MNAT1: variants seen among roughly 807,000 people sequenced by gnomAD.
MNAT1 encodes CDK-activating kinase assembly factor MAT1.
In MNAT1, 43 loss-of-function variants were observed where a neutral mutation model predicts 42.0. The ratio of observed to expected loss-of-function variants is 1.02; its 90% confidence interval spans 0.80 to 1.32. The LOEUF is 1.32. Among genes scored for constraint, MNAT1 ranks in the 40% most tolerant of loss-of-function variants. The probability of loss-of-function intolerance (pLI) is 0.00; values close to 1 mark genes in which losing one functional copy is unlikely to be tolerated. For missense variants in MNAT1, 306 were observed against 350.4 expected (o/e 0.87, Z 1.01); for synonymous variants, 118 against 120.0 (o/e 0.98, Z 0.11).
At chr14:60,866,000 C>T (rs2034194031) in intron 6 of MNAT1, among the ~76,000 whole-genome samples, 1 of 152,070 alleles carries the variant, frequency 6.6e-6, no homozygotes, top group Non-Finnish European at 1.5e-5. Context: ...TCCATGAACT[C>T]TGCTGAATGA....
chr14:60,853,992 T>C (rs943374799), intron 6 of MNAT1, among the ~76,000 whole-genome samples: 1 of 152,138 alleles, frequency 6.6e-6, no homozygotes, highest in African/African-American at 2.4e-5. Context: ...GAGGCTTTGT[T>C]TGTTTCTTTT....
At chr14:60,763,854 A>G (rs1029835405) in intron 1 of MNAT1, among the ~76,000 whole-genome samples, 3 of 152,224 alleles carry the variant, frequency 2.0e-5, no homozygotes, top group Non-Finnish European at 4.4e-5. Context: ...AAATGATTAA[A>G]TTACTTATTG....
intron 7 of MNAT1, among the ~76,000 whole-genome samples, chr14:60,895,803 C>G (rs933707445): frequency 6.6e-6 from 1 of 152,108 alleles, no homozygotes; most frequent in African/African-American, 2.4e-5. Flanking sequence ...GAAATCATCT[C>G]GTTTCCGTTT....
chr14:60,853,446 G>C (rs924521419), intron 6 of MNAT1, among the ~76,000 whole-genome samples: 7 of 152,052 alleles, frequency 4.6e-5, no homozygotes, highest in East Asian at 3.8e-4. Context: ...AGTTTTTGGG[G>C]TGAGATGATG....
chr14:60,768,203 G>T (rs190425078), intron 1 of MNAT1, among the ~76,000 whole-genome samples: 17 of 152,274 alleles, frequency 1.1e-4, no homozygotes, highest in African/African-American at 3.4e-4. Context: ...GCCTGGCCCA[G>T]TTTAGTTTTT....
intron 6 of MNAT1, among the ~76,000 whole-genome samples, chr14:60,852,743 C>G (rs1021385177): frequency 5.9e-5 from 9 of 152,052 alleles, no homozygotes; most frequent in Non-Finnish European, 1.2e-4. Flanking sequence ...GGAAGGGGTC[C>G]AGTTTCAGTT....
chr14:60,969,484 T>C lies in MNAT1; in HGVS notation c.*1135T>C, dbSNP rs1292875667. 1 of 152,164 alleles carries C rather than the reference T, an allele frequency of 6.6e-6. No individual in the cohort carries two copies. Among genetic ancestry groups the C allele is most frequent in the Non-Finnish European group, 1.5e-5 (1 of 68,000 alleles). The allele number at this position is 152,164 out of a possible 1,614,324, so 9.4% of individuals were successfully genotyped here. On this transcript the variant is annotated 3_prime_UTR_variant, in exon 8 of 8. Transcript: ENST00000261245. ...AATTAATTTTAGCAATACATCTTCA[T>C]CTTTATTGTACTTCTATCTTTGTTA...
intron 7 of MNAT1, among the ~76,000 whole-genome samples, chr14:60,904,329 ATTTT>A (rs1013331032): frequency 6.6e-6 from 1 of 151,452 alleles, no homozygotes; most frequent in African/African-American, 2.4e-5. Flanking sequence ...TACTAAATTA[ATTTT>A]TTTTTCTGGT....
chr14:60,865,620 A>G (rs1457118085), intron 6 of MNAT1, among the ~76,000 whole-genome samples: 2 of 152,096 alleles, frequency 1.3e-5, no homozygotes, highest in African/African-American at 4.8e-5. Flanking sequence ...TGGTAATAAG[A>G]CAAGCATCAG....
chr14:60,826,939 A>G (rs986098080), intron 6 of MNAT1, among the ~76,000 whole-genome samples: 1 of 152,040 alleles, frequency 6.6e-6, no homozygotes, highest in African/African-American at 2.4e-5. Context: ...ATGCAAGTAA[A>G]TCTTAGTCTT....
chr14:60,748,765 C>T (rs1421109643), intron 1 of MNAT1, among the ~76,000 whole-genome samples: 1 of 152,078 alleles, frequency 6.6e-6, no homozygotes, highest in African/African-American at 2.4e-5. Flanking sequence ...TCTGCTGAGG[C>T]TGTTTCACAA....
chr14:60,896,861 A>T (rs1036584525), intron 7 of MNAT1, among the ~76,000 whole-genome samples: 2 of 148,448 alleles, frequency 1.3e-5, no homozygotes, highest in South Asian at 2.1e-4. Flanking sequence ...TTATGGAAAT[A>T]AAAAAAAAAG....
chr14:60,783,455 C>G lies in MNAT1; in HGVS notation c.90-12762C>G, dbSNP rs183179583. ...ATGTACCTTCAAAGTAGCATATTCT[C>G]TTACTTTGTTATAATAATACATACC... On this transcript the variant is annotated intron_variant, in intron 1 of 7. Coordinates refer to ENST00000261245, the MANE Select transcript of MNAT1 (RefSeq NM_002431.4). 3.3e-5 allele frequency among the ~76,000 whole-genome samples: 5 copies of G among 152,334 alleles called. No individual in the cohort carries two copies. In the East Asian group the frequency reaches 7.7e-4, roughly 23 times the overall value.
intron 6 of MNAT1, among the ~76,000 whole-genome samples, chr14:60,852,785 C>T (rs2033856743): frequency 6.6e-6 from 1 of 152,264 alleles, no homozygotes. Flanking sequence ...TTTCCCAACA[C>T]CATTTATTAA....
At chr14:60,888,602 A>C (rs906878536) in intron 7 of MNAT1, among the ~76,000 whole-genome samples, 3 of 151,346 alleles carry the variant, frequency 2.0e-5, no homozygotes, top group Non-Finnish European at 2.9e-5. Flanking sequence ...GGCCAGGGCA[A>C]TCAGGCAGGA....
At chr14:60,890,000 G>T (rs983245664) in intron 7 of MNAT1, among the ~76,000 whole-genome samples, 8 of 152,208 alleles carry the variant, frequency 5.3e-5, no homozygotes, top group African/African-American at 9.6e-5. Flanking sequence ...TACACTGTTG[G>T]TGGGACTGTA....
intron 7 of MNAT1, among the ~76,000 whole-genome samples, chr14:60,913,493 A>C (rs558343330): frequency 4.0e-4 from 61 of 152,278 alleles, no homozygotes; most frequent in Non-Finnish European, 7.9e-4. Context: ...GGTGGCGTCC[A>C]GATGGGTTTT....
At chr14:60,835,449 C>A (rs998069541) in intron 6 of MNAT1, among the ~76,000 whole-genome samples, 2 of 152,164 alleles carry the variant, frequency 1.3e-5, no homozygotes, top group Non-Finnish European at 2.9e-5. Context: ...ATGACAAAAT[C>A]TCTCAGCATT....
At chr14:60,820,384 T>TCC (rs1449779271) in intron 6 of MNAT1, among the ~76,000 whole-genome samples, 1 of 152,128 alleles carries the variant, frequency 6.6e-6, no homozygotes, top group Non-Finnish European at 1.5e-5. Context: ...TAAAGTCATA[T>TCC]TTAATTTTAC....
Sources: allele counts gnomAD v4.1 joint callset (sites outside exome capture counted in the v4.1 genomes callset), GRCh38; gene constraint gnomAD v4.1.1; transcripts MANE v1.5; gene names NCBI Gene and HGNC (gene_info 2026-07-23, HGNC 2026-07-21).